The following PCDHA4 variants were observed in gnomAD, a reference collection of about 807,000 sequenced individuals.
PCDHA4 encodes protocadherin alpha 4.
In PCDHA4, 49 loss-of-function variants were observed where a neutral mutation model predicts 61.4. The observed-to-expected ratio is 0.80, with a 90% confidence interval of 0.63 to 1.01. The LOEUF (loss-of-function observed/expected upper bound fraction) is 1.01. Among genes scored for constraint, PCDHA4 ranks in the 50% least tolerant of loss-of-function variants. The pLI, the probability that PCDHA4 is intolerant of heterozygous loss-of-function variation, is 0.00. For synonymous variants in PCDHA4, 590 were observed against 550.3 expected (o/e 1.07, Z -1.01); for missense variants, 1,254 against 1,235.8 (o/e 1.01, Z -0.22).
At chr5:140,839,581 G>GTAA (rs1206355864) in intron 1 of PCDHA4, among the ~76,000 whole-genome samples, 1 of 151,754 alleles carries the variant, frequency 6.6e-6, no homozygotes, top group Non-Finnish European at 1.5e-5. Flanking sequence ...GTAGAGATGG[G>GTAA]GTCTTACCAT....
intron 1 of PCDHA4, chr5:140,870,983 C>T (rs1554164955): frequency 1.2e-6 from 2 of 1,613,520 alleles, no homozygotes; most frequent in East Asian, 2.2e-5. Context: ...GGGCTGTACA[C>T]GGGCGAGATA....
intron 1 of PCDHA4, among the ~76,000 whole-genome samples, chr5:140,957,344 G>A (rs994510401): frequency 5.9e-5 from 9 of 152,114 alleles, no homozygotes; most frequent in Non-Finnish European, 1.2e-4. Context: ...TATTTTGAGA[G>A]AGAGACCACA....
In PCDHA4 at chr5:140,807,453, G is replaced by T. The variant is rs1223020779; in HGVS notation, c.266G>T (p.Arg89Leu). 6.2e-7 allele frequency: 1 copy of T among 1,607,486 alleles called. No individual in the cohort carries two copies. Among genetic ancestry groups the T allele is most frequent in the East Asian group, 2.2e-5 (1 of 44,674 alleles). The change falls in exon 1 of 4, where the codon CGG becomes CTG. Residue 89 changes from arginine to leucine, a missense_variant. Coordinates refer to ENST00000530339, the MANE Select transcript of PCDHA4 (RefSeq NM_018907.4). Reference protein sequence around the residue: ...LQNGILFVNSRIDREELCRRS... With the variant: ...LQNGILFVNSLIDREELCRRS... ...AATGGCATTTTGTTTGTGAATTCTC[G>T]GATCGACCGGGAGGAGCTGTGCCGG... is the stretch of plus-strand genomic sequence containing the variant.
chr5:140,858,417 G>A, intron 1 of PCDHA4: 1 of 1,560,448 alleles, frequency 6.4e-7, no homozygotes, highest in Non-Finnish European at 8.7e-7. Context: ...CAGTCTATTG[G>A]AGGGGACCAC....
chr5:140,869,320 G>A, intron 1 of PCDHA4: 1 of 1,613,846 alleles, frequency 6.2e-7, no homozygotes, highest in Non-Finnish European at 8.5e-7. Flanking sequence ...AACACATGGG[G>A]ACCTTCTGGA....
intron 1 of PCDHA4, chr5:140,884,466 C>G (rs1212644572): frequency 2.5e-6 from 4 of 1,613,646 alleles, no homozygotes; most frequent in Non-Finnish European, 3.4e-6. Flanking sequence ...GGCGCGTGCG[C>G]GCCGGGCAAG....
At chr5:141,009,019 C>A (rs1160022658) in intron 3 of PCDHA4, among the ~76,000 whole-genome samples, 1 of 152,232 alleles carries the variant, frequency 6.6e-6, no homozygotes, top group Non-Finnish European at 1.5e-5. Context: ...CCTTTAGGCT[C>A]TGTATTTCCC....
At position 140,865,331 on chromosome 5, in the gene PCDHA4, TAAAG is replaced by T. The variant is rs2048827631; in HGVS notation, c.2385+55763_2385+55766del. 4 of 152,230 alleles carry T rather than the reference TAAAG, an allele frequency of 2.6e-5. No homozygotes were observed. The South Asian group carries it at 8.3e-4, about 31-fold the overall frequency. The allele number at this position is 152,230 out of a possible 1,614,324, so 9.4% of individuals were successfully genotyped here. On this transcript the variant is annotated intron_variant, in intron 1 of 3. Transcript: ENST00000530339. ...AAATGAGATGGCCTTTAATTCTGTGTAAAGAAATAGTATATTTACATATTGCAGG... is the reference window on the plus strand; with the variant it reads ...AAATGAGATGGCCTTTAATTCTGTGTAAATAGTATATTTACATATTGCAGG...
intron 1 of PCDHA4, among the ~76,000 whole-genome samples, chr5:140,975,701 T>A (rs2153808072): frequency 6.6e-6 from 1 of 152,358 alleles, no homozygotes; most frequent in East Asian, 1.9e-4. Flanking sequence ...AAACTTATTT[T>A]ACTTTAAATC....
At chr5:140,867,400 T>C (rs544481917) in intron 1 of PCDHA4, 18 of 152,290 alleles carry the variant, frequency 1.2e-4, no homozygotes, top group African/African-American at 3.8e-4. Context: ...AAAGTTGATA[T>C]GTCTCCTTTA....
intron 1 of PCDHA4, chr5:140,883,595 G>C: frequency 6.2e-7 from 1 of 1,614,036 alleles, no homozygotes; most frequent in Non-Finnish European, 8.5e-7. Flanking sequence ...CAGCGTGTCG[G>C]TGGGGGTGGC....
In PCDHA4 at chr5:140,841,863, A is replaced by T. The variant is rs1288637378; in HGVS notation, c.2385+32291A>T. On this transcript the variant is annotated intron_variant, in intron 1 of 3. Transcript: ENST00000530339. ...AGCTCTCATGATTACTTCATGCTAGATGTGAATTCAAAGAACGATGAGAAT... is the reference window on the plus strand; with the variant it reads ...AGCTCTCATGATTACTTCATGCTAGTTGTGAATTCAAAGAACGATGAGAAT... The T allele has an allele frequency of 9.9e-6, 16 of 1,613,706 alleles. No individual in the cohort carries two copies. In the Admixed American group the frequency reaches 2.7e-4, roughly 27 times the overall value.
At position 140,978,930 on chromosome 5, in the gene PCDHA4, T is replaced by C; in HGVS notation, c.2386-19T>C. On this transcript the variant is annotated intron_variant, in intron 1 of 3. Transcript: ENST00000530339. ...TTGTCTTGTCATTTTAACAGAAAAC[T>C]CTCTTTGTGATTTTGCAGCCACGAC... 2 of 1,614,088 alleles carry C rather than the reference T, an allele frequency of 1.2e-6. No individual in the cohort carries two copies. Among genetic ancestry groups the C allele is most frequent in the South Asian group, 1.1e-5 (1 of 91,072 alleles).
intron 1 of PCDHA4, among the ~76,000 whole-genome samples, chr5:140,950,519 A>G (rs1359001168): frequency 6.6e-6 from 1 of 152,034 alleles, no homozygotes; most frequent in Non-Finnish European, 1.5e-5. Flanking sequence ...TGTGTGCGAT[A>G]TGATTGTTTT....
intron 2 of PCDHA4, among the ~76,000 whole-genome samples, chr5:140,981,130 CAA>C (rs1267278229): frequency 6.6e-6 from 1 of 152,186 alleles, no homozygotes; most frequent in East Asian, 1.9e-4. Flanking sequence ...TGTTTGAAGT[CAA>C]AGAGTGAGAA....
intron 1 of PCDHA4, chr5:140,867,695 C>T (rs1283173997): frequency 6.6e-6 from 1 of 151,790 alleles, no homozygotes; most frequent in African/African-American, 2.4e-5. Context: ...TCTTTTTTTC[C>T]TCCTAAATCC....
intron 1 of PCDHA4, among the ~76,000 whole-genome samples, chr5:140,906,185 A>G (rs574875890): frequency 2.8e-4 from 43 of 152,270 alleles, no homozygotes; most frequent in African/African-American, 1.0e-3. Flanking sequence ...GCATCCTTCA[A>G]TCCAATCAAG....
chr5:140,883,966 G>A, intron 1 of PCDHA4: 1 of 1,613,094 alleles, frequency 6.2e-7, no homozygotes. Flanking sequence ...CGGCGCTGCT[G>A]ACGCCCGGGG....
rs2150364854 is a variant in PCDHA4, at chr5:140,843,675, T to C, written c.2385+34103T>C. ...CCTCCTGATCTGGGATCAGTTGATGTAGGCGAAGAGCAAGATTTAAATGTT... is the reference window on the plus strand; with the variant it reads ...CCTCCTGATCTGGGATCAGTTGATGCAGGCGAAGAGCAAGATTTAAATGTT... On this transcript the variant is annotated intron_variant, in intron 1 of 3. Transcript: ENST00000530339. 4.1e-5 allele frequency: 65 copies of C among 1,591,382 alleles called. 8 individuals are homozygous for C. The highest frequency in any genetic ancestry group is 5.5e-5 in the Non-Finnish European group (64 of 1,161,214).
Sources: gnomAD v4.1 joint callset for allele counts (sites outside exome capture counted in the v4.1 genomes callset) on GRCh38, gnomAD v4.1.1 for gene constraint, MANE v1.5 for transcripts, NCBI Gene and HGNC (gene_info 2026-07-23, HGNC 2026-07-21) for gene names.